Variants in CSMD1 observed in about 807,000 individuals in gnomAD.
CSMD1 encodes CUB and Sushi multiple domains 1, also known as CUB and sushi domain-containing protein 1.
A neutral mutation model predicts 417.5 loss-of-function variants in CSMD1; 213 were observed. That is an observed-to-expected ratio of 0.51 (90% confidence interval 0.46 to 0.57). CSMD1 has a LOEUF of 0.57. Ranked by LOEUF, CSMD1 falls within the 20% of genes least tolerant of loss-of-function variation. The pLI is 0.00. For synonymous variants in CSMD1, 2,862 were observed against 1,736.8 expected, an observed-to-expected ratio of 1.65 and a Z score of -16.11; for missense variants, 6,923 against 4,529.7, an observed-to-expected ratio of 1.53 and a Z score of -15.17.
chr8:4,379,726 C>T (rs1289788180), intron 3 of CSMD1, among the ~76,000 whole-genome samples: 2 of 144,000 alleles, frequency 1.4e-5, no homozygotes, highest in Non-Finnish European at 3.1e-5. Context: ...AATGAAGCAA[C>T]AGTGGCAGAA....
At chr8:2,996,182 A>G (rs916802477) in intron 54 of CSMD1, among the ~76,000 whole-genome samples, 13 of 149,454 alleles carry the variant, frequency 8.7e-5, no homozygotes, top group African/African-American at 3.3e-4. Context: ...TAATGGGAAA[A>G]AAGAGAGAGA....
intron 1 of CSMD1, among the ~76,000 whole-genome samples, chr8:4,943,557 T>G (rs1017129351): frequency 6.6e-6 from 1 of 152,006 alleles, no homozygotes; most frequent in Non-Finnish European, 1.5e-5. Flanking sequence ...CACCTCTCTG[T>G]AACCAATTAC....
At chr8:3,852,348 G>C (rs1338441006) in intron 5 of CSMD1, among the ~76,000 whole-genome samples, 1 of 152,114 alleles carries the variant, frequency 6.6e-6, no homozygotes, top group Non-Finnish European at 1.5e-5. Flanking sequence ...GAAGGAAGCA[G>C]TGCAGGATAA....
chr8:4,385,697 A>G (rs1803402833), intron 3 of CSMD1, among the ~76,000 whole-genome samples: 1 of 152,196 alleles, frequency 6.6e-6, no homozygotes. Context: ...ATAGTAATAT[A>G]GTATTTTTAT....
chr8:3,805,277 G>A (rs77869750), intron 5 of CSMD1, among the ~76,000 whole-genome samples: 3,737 of 152,132 alleles, frequency 0.025, 153 homozygotes, highest in African/African-American at 0.08. Context: ...CATCAGCATC[G>A]CAGAGGAAGG....
At chr8:4,048,074 C>T (rs151288361) in intron 3 of CSMD1, among the ~76,000 whole-genome samples, 2 of 152,128 alleles carry the variant, frequency 1.3e-5, no homozygotes, top group Admixed American at 6.6e-5. Context: ...ATATTTTGTG[C>T]ATTCCTAATT....
At position 3,711,781 on chromosome 8, in the gene CSMD1, T is replaced by G. The variant is rs151125063; in HGVS notation, c.932-3290A>C. On this transcript the variant is annotated intron_variant, in intron 6 of 69. Coordinates refer to ENST00000635120, the MANE Select transcript of CSMD1 (RefSeq NM_033225.6). ...TATCTTGTGCTGAAATAACTTTATC[T>G]TGAAGTTACTCAGGAGAGAGGAGAT... 4.7e-3 allele frequency among the ~76,000 whole-genome samples: 716 copies of G among 152,260 alleles called. 5 individuals are homozygous for G. The highest frequency in any genetic ancestry group is 0.017 in the African/African-American group (700 of 41,554).
chr8:3,911,031 G>C (rs1808424601), intron 5 of CSMD1, among the ~76,000 whole-genome samples: 2 of 151,998 alleles, frequency 1.3e-5, no homozygotes, highest in East Asian at 3.9e-4. Context: ...TGCCCAGCTA[G>C]CCCTCTGGGG....
intron 1 of CSMD1, among the ~76,000 whole-genome samples, chr8:4,702,207 G>C (rs894024318): frequency 1.3e-5 from 2 of 152,154 alleles, no homozygotes; most frequent in South Asian, 2.1e-4. Context: ...AACCACTATG[G>C]TACATGTTTA....
intron 3 of CSMD1, among the ~76,000 whole-genome samples, chr8:4,398,280 G>A (rs1316230984): frequency 2.0e-5 from 3 of 152,074 alleles, no homozygotes; most frequent in Non-Finnish European, 2.9e-5. Context: ...TTTCTACTTC[G>A]GGGTGGACAA....
At chr8:3,651,234 A>T (rs1797840385) in intron 7 of CSMD1, among the ~76,000 whole-genome samples, 1 of 152,198 alleles carries the variant, frequency 6.6e-6, no homozygotes, top group Non-Finnish European at 1.5e-5. Context: ...CCTAAGACAG[A>T]TCGTATCACC....
At chr8:3,629,850 C>T (rs1376376094) in intron 7 of CSMD1, among the ~76,000 whole-genome samples, 1 of 152,152 alleles carries the variant, frequency 6.6e-6, no homozygotes, top group African/African-American at 2.4e-5. Context: ...TTGATGTCTC[C>T]ACAAACAAAA....
At chr8:4,886,914 G>T (rs915595035) in intron 1 of CSMD1, among the ~76,000 whole-genome samples, 1 of 151,698 alleles carries the variant, frequency 6.6e-6, no homozygotes, top group Admixed American at 6.6e-5. Flanking sequence ...ATATTTAGTC[G>T]ATGTTACATA....
At chr8:4,349,552 T>C (rs1800967466) in intron 3 of CSMD1, among the ~76,000 whole-genome samples, 1 of 152,156 alleles carries the variant, frequency 6.6e-6, no homozygotes, top group Non-Finnish European at 1.5e-5. Flanking sequence ...CATGCTTTTT[T>C]ATATTAGGTG....
intron 50 of CSMD1, among the ~76,000 whole-genome samples, chr8:3,046,642 C>T (rs767365596): frequency 3.3e-5 from 5 of 152,112 alleles, no homozygotes; most frequent in Admixed American, 6.5e-5. Context: ...GCCTTGGCAG[C>T]GTTACACAAT....
At chr8:4,396,878 G>C (rs1244172643) in intron 3 of CSMD1, among the ~76,000 whole-genome samples, 1 of 152,062 alleles carries the variant, frequency 6.6e-6, no homozygotes, top group Non-Finnish European at 1.5e-5. Flanking sequence ...CAGGACTAGG[G>C]GGAAAGGGTG....
At chr8:4,506,683 ACCT>A (rs1300834569) in intron 2 of CSMD1, among the ~76,000 whole-genome samples, 1 of 152,068 alleles carries the variant, frequency 6.6e-6, no homozygotes, top group Non-Finnish European at 1.5e-5. Context: ...ACAGAGCTTA[ACCT>A]CCTCTGAATA....
intron 3 of CSMD1, among the ~76,000 whole-genome samples, chr8:4,401,257 G>GAT (rs1380804984): frequency 1.3e-5 from 2 of 152,044 alleles, no homozygotes; most frequent in African/African-American, 4.8e-5. Context: ...TAAAATATTA[G>GAT]ATATATGTCT....
chr8:4,009,697 G>T (rs900846227), intron 4 of CSMD1, among the ~76,000 whole-genome samples: 18 of 152,072 alleles, frequency 1.2e-4, no homozygotes, highest in African/African-American at 4.3e-4. Flanking sequence ...AGGAAGGAAG[G>T]GCCACAAAGA....
Sources: allele counts gnomAD v4.1 joint callset (sites outside exome capture counted in the v4.1 genomes callset), GRCh38; gene constraint gnomAD v4.1.1; transcripts MANE v1.5; gene names NCBI Gene and HGNC (gene_info 2026-07-23, HGNC 2026-07-21).